The following PTPRM variants were observed in gnomAD, a reference collection of about 807,000 sequenced individuals.
PTPRM encodes receptor-type tyrosine-protein phosphatase mu.
A neutral mutation model predicts 186.7 loss-of-function variants in PTPRM; 47 were observed. That is an observed-to-expected ratio of 0.25 (90% CI 0.20 to 0.32). The LOEUF (loss-of-function observed/expected upper bound fraction) is 0.32, where lower values mean the gene tolerates loss of function less well. PTPRM is among the 10% of genes least tolerant of loss of function. The probability of loss-of-function intolerance (pLI) is 1.00; values close to 1 mark genes in which losing one functional copy is unlikely to be tolerated. For missense variants in PTPRM, 1,494 were observed against 1,865.0 expected, an observed-to-expected ratio of 0.80 and a Z score of 3.66; for synonymous variants, 668 against 674.9, an observed-to-expected ratio of 0.99 and a Z score of 0.16.
intron 20 of PTPRM, among the ~76,000 whole-genome samples, chr18:8,314,418 C>T (rs1217216226): frequency 6.6e-6 from 1 of 152,186 alleles, no homozygotes; most frequent in African/African-American, 2.4e-5. Context: ...GGTGTCACAG[C>T]CTTCAACATC....
intron 23 of PTPRM, among the ~76,000 whole-genome samples, chr18:8,351,091 C>T (rs1023950390): frequency 6.6e-6 from 1 of 152,156 alleles, no homozygotes. Flanking sequence ...AGGGACAGCA[C>T]CTCCTTGCCT....
At chr18:8,309,650 G>A (rs1359531335) in intron 20 of PTPRM, among the ~76,000 whole-genome samples, 1 of 152,006 alleles carries the variant, frequency 6.6e-6, no homozygotes, top group African/African-American at 2.4e-5. Flanking sequence ...GACTACAGGT[G>A]TGCTCCACCA....
intron 19 of PTPRM, among the ~76,000 whole-genome samples, chr18:8,289,933 TG>T (rs1396607609): frequency 3.9e-5 from 6 of 152,160 alleles, no homozygotes; most frequent in African/African-American, 1.4e-4. Context: ...CTCTTAGCCG[TG>T]AAGCATCACA....
chr18:7,939,758 C>T (rs2052050646), intron 5 of PTPRM, among the ~76,000 whole-genome samples: 1 of 152,144 alleles, frequency 6.6e-6, no homozygotes, highest in Admixed American at 6.5e-5. Context: ...GGCTGTCTCT[C>T]CCAGTGAACT....
intron 3 of PTPRM, among the ~76,000 whole-genome samples, chr18:7,905,587 C>T (rs2049936202): frequency 6.6e-6 from 1 of 152,134 alleles, no homozygotes; most frequent in South Asian, 2.1e-4. Context: ...TGCAGCCTGG[C>T]CACAGCTGAC....
chr18:7,717,629 G>A (rs1327504244), intron 1 of PTPRM, among the ~76,000 whole-genome samples: 1 of 152,198 alleles, frequency 6.6e-6, no homozygotes, highest in Non-Finnish European at 1.5e-5. Context: ...AAGGCAAAGG[G>A]CCCACTGAGC....
At chr18:8,200,212 G>A (rs1019682785) in intron 14 of PTPRM, among the ~76,000 whole-genome samples, 4 of 152,156 alleles carry the variant, frequency 2.6e-5, no homozygotes, top group African/African-American at 9.7e-5. Flanking sequence ...CAAAAGCAGT[G>A]CCTGGGATGG....
chr18:8,125,256 T>C (rs531671384), intron 13 of PTPRM, among the ~76,000 whole-genome samples: 7 of 152,048 alleles, frequency 4.6e-5, no homozygotes, highest in African/African-American at 1.7e-4. Flanking sequence ...ACTGAGTTCA[T>C]TGAACGGCCC....
In PTPRM at chr18:7,949,337, G is replaced by A; in HGVS notation, c.820G>A (p.Ala274Thr). ...AGGAGGTGTTGGAATATCAAACTAT[G>A]CAGAGTTGGTAGTTAAAGGTATTTA... ...TEGGVGISNY[A>T]ELVVKEPPVP... is the part of the protein sequence containing the mutation. Residue 274 changes from alanine (A) to threonine (T), a missense_variant, in exon 6 of 33, where the codon GCA (alanine) becomes ACA (threonine). Ala to Thr is a moderately conservative substitution (Grantham distance 58). This residue lies in a region of PTPRM where 296 missense variants were observed against 345.5 expected (regional missense o/e 0.86). Transcript: ENST00000580170. 6.2e-7 allele frequency: 1 copy of A among 1,613,388 alleles called. No homozygotes were observed. Among genetic ancestry groups the A allele is most frequent in the Non-Finnish European group, 8.5e-7 (1 of 1,179,532 alleles).
intron 22 of PTPRM, among the ~76,000 whole-genome samples, chr18:8,325,263 A>G (rs2095368660): frequency 6.6e-6 from 1 of 152,222 alleles, no homozygotes; most frequent in Non-Finnish European, 1.5e-5. Context: ...TTTGTCACCC[A>G]GATAATAAGC....
At chr18:7,636,045 G>A (rs892727664) in intron 1 of PTPRM, among the ~76,000 whole-genome samples, 2 of 152,188 alleles carry the variant, frequency 1.3e-5, no homozygotes, top group African/African-American at 4.8e-5. Flanking sequence ...GCAGACAAAC[G>A]CTTCTGTTTT....
intron 1 of PTPRM, among the ~76,000 whole-genome samples, chr18:7,766,094 G>A (rs1306865747): frequency 6.6e-6 from 1 of 152,146 alleles, no homozygotes; most frequent in Admixed American, 6.5e-5. Flanking sequence ...TCGTATATAA[G>A]CACTGTAAAT....
chr18:7,619,020 A>C (rs1014761624), intron 1 of PTPRM, among the ~76,000 whole-genome samples: 1 of 152,196 alleles, frequency 6.6e-6, no homozygotes, highest in African/African-American at 2.4e-5. Context: ...CGGAGGATTT[A>C]CTTAGCAGTT....
chr18:7,649,637 G>A (rs2038647469), intron 1 of PTPRM, among the ~76,000 whole-genome samples: 1 of 152,012 alleles, frequency 6.6e-6, no homozygotes, highest in Non-Finnish European at 1.5e-5. Flanking sequence ...AACTACAGAT[G>A]GTGTAGTTAC....
At position 7,704,612 on chromosome 18, in the gene PTPRM, A is replaced by G. The variant is rs61181709; in HGVS notation, c.74-69537A>G. On this transcript the variant is annotated intron_variant, in intron 1 of 32. Coordinates refer to ENST00000580170, the MANE Select transcript of PTPRM (RefSeq NM_001105244.2). Reference sequence around the variant, plus strand: ...TCTCTAACATTAGATGAAAGAAGACATCGAAATTTGAAGTGCAAAGAGAAA... The same window carrying G: ...TCTCTAACATTAGATGAAAGAAGACGTCGAAATTTGAAGTGCAAAGAGAAA... Among the ~76,000 whole-genome samples the G allele has an allele frequency of 3.0e-3, 454 of 152,238 alleles. 1 individual carries two copies. The highest frequency in any genetic ancestry group is 0.017 in the Middle Eastern group (5 of 294).
rs562730820 is a variant in PTPRM at position 7,879,145 on chromosome 18, T to C, written c.197-8961T>C. 6.3e-4 allele frequency among the ~76,000 whole-genome samples: 96 copies of C among 152,344 alleles called. 2 individuals carry two copies. The South Asian group carries it at 0.018, about 29-fold the overall frequency. Reference sequence around the variant, plus strand: ...AATACAATTTAGTTCTCATTAAAGCTTCCCTTTTCTTATAAAAGGAGAGCA... The same window carrying C: ...AATACAATTTAGTTCTCATTAAAGCCTCCCTTTTCTTATAAAAGGAGAGCA... On this transcript the variant is annotated intron_variant, in intron 2 of 32. Transcript: ENST00000580170.
intron 14 of PTPRM, among the ~76,000 whole-genome samples, chr18:8,207,234 G>A (rs571692571): frequency 7.2e-5 from 11 of 152,276 alleles, no homozygotes; most frequent in African/African-American, 2.4e-4. Flanking sequence ...ATAAAATTTG[G>A]AGTTTTCACC....
At chr18:8,200,548 T>C (rs1195784913) in intron 14 of PTPRM, among the ~76,000 whole-genome samples, 4 of 152,256 alleles carry the variant, frequency 2.6e-5, no homozygotes, top group Non-Finnish European at 5.9e-5. Flanking sequence ...GTCTCTGTTC[T>C]GGGGAACTGA....
intron 14 of PTPRM, among the ~76,000 whole-genome samples, chr18:8,164,874 A>G (rs2093295178): frequency 7.3e-6 from 1 of 136,630 alleles, no homozygotes; most frequent in Non-Finnish European, 1.6e-5. Flanking sequence ...ATTACAATAA[A>G]TATCTTCTAA....
Sources: gnomAD v4.1 joint callset for allele counts (sites outside exome capture counted in the v4.1 genomes callset) on GRCh38, gnomAD v4.1.1 for gene constraint, gnomAD v4.1.1 regional missense constraint, MANE v1.5 for transcripts, NCBI Gene and HGNC (gene_info 2026-07-23, HGNC 2026-07-21) for gene names.